Variants in ADGRL2 observed in about 807,000 individuals in gnomAD.
ADGRL2 encodes the protein calcium-independent alpha-latrotoxin receptor 2.
Under a neutral mutation model 157.4 loss-of-function variants are expected in ADGRL2, and 44 were observed. That is an observed-to-expected ratio of 0.28 (90% confidence interval 0.22 to 0.36). The LOEUF is 0.36. Ranked by LOEUF, ADGRL2 falls within the 10% of genes least tolerant of loss-of-function variation. The probability of loss-of-function intolerance (pLI) is 1.00; values close to 1 mark genes in which losing one functional copy is unlikely to be tolerated. For missense variants in ADGRL2, 1,510 were observed against 1,768.9 expected, an observed-to-expected ratio of 0.85 and a Z score of 2.63; for synonymous variants, 585 against 624.7, an observed-to-expected ratio of 0.94 and a Z score of 0.95.
intron 2 of ADGRL2, among the ~76,000 whole-genome samples, chr1:81,764,974 T>C (rs1376867902): frequency 6.6e-6 from 1 of 152,108 alleles, no homozygotes; most frequent in Non-Finnish European, 1.5e-5. Flanking sequence ...CATATTTCGT[T>C]GAAAGTCTTT....
intron 1 of ADGRL2, among the ~76,000 whole-genome samples, chr1:81,730,695 C>T (rs1402149038): frequency 6.6e-6 from 1 of 151,648 alleles, no homozygotes; most frequent in Non-Finnish European, 1.5e-5. Context: ...TGCACTCCAG[C>T]CTGGGCGGCA....
chr1:81,357,217 G>A (rs1044166038), intron 1 of ADGRL2, among the ~76,000 whole-genome samples: 1 of 152,008 alleles, frequency 6.6e-6, no homozygotes, highest in African/African-American at 2.4e-5. Context: ...ACTTTCTCAG[G>A]CCTTGCTCAC....
chr1:81,406,935 T>C (rs542454737), intron 1 of ADGRL2, among the ~76,000 whole-genome samples: 25 of 152,232 alleles, frequency 1.6e-4, no homozygotes, highest in Admixed American at 3.3e-4. Flanking sequence ...GTTTGGATCA[T>C]TGAGAATACT....
At chr1:81,443,825 C>T (rs752363719) in intron 1 of ADGRL2, among the ~76,000 whole-genome samples, 1 of 152,138 alleles carries the variant, frequency 6.6e-6, no homozygotes, top group Non-Finnish European at 1.5e-5. Flanking sequence ...GAAAGATACT[C>T]CTTGTTAGGC....
In ADGRL2 at chr1:81,722,728, C is replaced by T. The variant is rs1570962147; in HGVS notation, c.-143+22920C>T. The T allele has an allele frequency of 1.2e-5, 11 of 923,464 alleles. No individual in the cohort carries two copies. The East Asian group carries it at 2.4e-4, about 20-fold the overall frequency. The allele number at this position is 923,464 out of a possible 1,614,324, so 57.2% of individuals were successfully genotyped here. ...GAGCGAAACGTGAAGAGCGAGAGAT[C>T]AAAGAATAGAAAGAGTTAAGAAGGC... On this transcript the variant is annotated intron_variant, in intron 1 of 20. Coordinates refer to the ADGRL2 transcript ENST00000359929.
At chr1:81,350,356 G>T (rs1051747417) in intron 1 of ADGRL2, among the ~76,000 whole-genome samples, 4 of 152,124 alleles carry the variant, frequency 2.6e-5, no homozygotes, top group African/African-American at 9.7e-5. Flanking sequence ...TGTAGAGTGA[G>T]GTTTATGATT....
At chr1:81,978,987 T>C (rs1445239012) in intron 17 of ADGRL2, among the ~76,000 whole-genome samples, 1 of 151,772 alleles carries the variant, frequency 6.6e-6, no homozygotes, top group African/African-American at 2.4e-5. Context: ...TGTAGCTTAG[T>C]TCTATTTTTG....
At chr1:81,842,450 C>T (rs959739066) in intron 2 of ADGRL2, among the ~76,000 whole-genome samples, 10 of 150,344 alleles carry the variant, frequency 6.7e-5, no homozygotes, top group Admixed American at 6.0e-4. Context: ...CTCCACCTCC[C>T]GGGTTCAAGG....
chr1:81,632,259 A>G (rs918986579), intron 3 of ADGRL2, among the ~76,000 whole-genome samples: 10 of 152,334 alleles, frequency 6.6e-5, no homozygotes, highest in Non-Finnish European at 1.3e-4. Flanking sequence ...AGTTATGAAC[A>G]AAAATAAAAT....
chr1:81,587,441 G>A (rs1192009386), intron 3 of ADGRL2, among the ~76,000 whole-genome samples: 1 of 152,018 alleles, frequency 6.6e-6, no homozygotes, highest in East Asian at 1.9e-4. Context: ...AAAGGAAGAA[G>A]TGGCCATTCC....
intron 2 of ADGRL2, among the ~76,000 whole-genome samples, chr1:81,485,741 G>A (rs12739907): frequency 0.84 from 127,579 of 152,062 alleles, 55,431 homozygotes; most frequent in East Asian, 1. Flanking sequence ...TATAAGATAA[G>A]TAAACAAACA....
At chr1:81,983,358 T>C (rs1219047678) in intron 19 of ADGRL2, among the ~76,000 whole-genome samples, 1 of 152,010 alleles carries the variant, frequency 6.6e-6, no homozygotes, top group East Asian at 1.9e-4. Context: ...ACTGCTTGAA[T>C]GAGCATACTT....
intron 1 of ADGRL2, among the ~76,000 whole-genome samples, chr1:81,306,999 G>A (rs1659383637): frequency 6.6e-6 from 1 of 152,158 alleles, no homozygotes; most frequent in African/African-American, 2.4e-5. Context: ...AAAGCAAAAA[G>A]CTGAAGGCCT....
intron 3 of ADGRL2, among the ~76,000 whole-genome samples, chr1:81,632,035 A>G (rs1297409712): frequency 2.6e-5 from 4 of 152,220 alleles, no homozygotes; most frequent in Admixed American, 1.3e-4. Flanking sequence ...GAAATATTTG[A>G]TAGCATACAT....
chr1:81,910,618 T>C (rs1048512718), intron 3 of ADGRL2, among the ~76,000 whole-genome samples: 19 of 150,748 alleles, frequency 1.3e-4, no homozygotes, highest in African/African-American at 4.4e-4. Flanking sequence ...GACACCTAAC[T>C]CTTGGCACCT....
chr1:81,652,204 T>C (rs2082435289), intron 3 of ADGRL2, among the ~76,000 whole-genome samples: 1 of 152,230 alleles, frequency 6.6e-6, no homozygotes, highest in Non-Finnish European at 1.5e-5. Context: ...AAAGCTACCT[T>C]GTTTCAATTG....
At chr1:81,570,869 A>T (rs2148494889) in intron 2 of ADGRL2, among the ~76,000 whole-genome samples, 1 of 152,288 alleles carries the variant, frequency 6.6e-6, no homozygotes, top group South Asian at 2.1e-4. Context: ...AGACATTCAC[A>T]GATTACTTCT....
chr1:81,657,315 A>T (rs1000156786), intron 3 of ADGRL2, among the ~76,000 whole-genome samples: 1 of 152,152 alleles, frequency 6.6e-6, no homozygotes, highest in Non-Finnish European at 1.5e-5. Context: ...CTTTGTGTGG[A>T]CAAATAGATA....
intron 2 of ADGRL2, among the ~76,000 whole-genome samples, chr1:81,902,669 G>A (rs1480801392): frequency 0.014 from 1 of 72 alleles, no homozygotes; most frequent in African/African-American, 0.056. Context: ...GTTAAGGATA[G>A]TCAGACTGTG....
Sources: gnomAD v4.1 joint callset for allele counts (sites outside exome capture counted in the v4.1 genomes callset) on GRCh38, gnomAD v4.1.1 for gene constraint, MANE v1.5 for transcripts, NCBI Gene and HGNC (gene_info 2026-07-23, HGNC 2026-07-21) for gene names.